The following TNR variants were observed in gnomAD, a reference collection of about 807,000 sequenced individuals.
TNR encodes the protein tenascin R.
A neutral mutation model predicts 150.4 loss-of-function variants in TNR; 45 were observed. The ratio of observed to expected loss-of-function variants is 0.30; its 90% confidence interval spans 0.24 to 0.38. TNR has a LOEUF of 0.38. Among genes scored for constraint, TNR ranks in the 10% least tolerant of loss-of-function variants. The pLI is 1.00. For missense variants in TNR, 1,544 were observed against 1,759.1 expected, an observed-to-expected ratio of 0.88 and a Z score of 2.19; for synonymous variants, 687 against 678.4, an observed-to-expected ratio of 1.01 and a Z score of -0.20.
intron 2 of TNR, among the ~76,000 whole-genome samples, chr1:175,502,858 A>G (rs1356349393): frequency 6.6e-6 from 1 of 152,182 alleles, no homozygotes; most frequent in Non-Finnish European, 1.5e-5. Context: ...AGAAGGTATG[A>G]AAGACATGAT....
intron 2 of TNR, among the ~76,000 whole-genome samples, chr1:175,438,890 G>C (rs562716156): frequency 2.0e-5 from 3 of 152,174 alleles, no homozygotes; most frequent in Admixed American, 6.5e-5. Context: ...CAAACAAATG[G>C]AAGAACATTC....
At chr1:175,499,722 C>G (rs1251502072) in intron 2 of TNR, among the ~76,000 whole-genome samples, 1 of 152,200 alleles carries the variant, frequency 6.6e-6, no homozygotes, top group Non-Finnish European at 1.5e-5. Flanking sequence ...CTTCAGTGTC[C>G]TGGCTCATGT....
At chr1:175,366,865 G>A (rs1288392139) in intron 10 of TNR, among the ~76,000 whole-genome samples, 1 of 152,212 alleles carries the variant, frequency 6.6e-6, no homozygotes, top group Admixed American at 6.5e-5. Flanking sequence ...GGGCGAGGAT[G>A]CCCCATTCTG....
chr1:175,564,848 T>G (rs559209915), intron 1 of TNR, among the ~76,000 whole-genome samples: 2 of 152,352 alleles, frequency 1.3e-5, no homozygotes, highest in East Asian at 3.9e-4. Flanking sequence ...CTTCTTGTTC[T>G]GCCCTTGGCT....
intron 21 of TNR, among the ~76,000 whole-genome samples, chr1:175,326,213 C>G (rs1449352032): frequency 6.6e-6 from 1 of 152,086 alleles, no homozygotes; most frequent in Non-Finnish European, 1.5e-5. Context: ...AGGGATCAGA[C>G]TGTAATTAAA....
intron 1 of TNR, among the ~76,000 whole-genome samples, chr1:175,676,304 C>T (rs900208766): frequency 1.3e-5 from 2 of 152,172 alleles, no homozygotes; most frequent in Admixed American, 1.3e-4. Context: ...AAAAGCCAAA[C>T]CCCTTGAACA....
chr1:175,416,990 A>G (rs1654493462), intron 2 of TNR, among the ~76,000 whole-genome samples: 2 of 149,544 alleles, frequency 1.3e-5, no homozygotes, highest in South Asian at 2.1e-4. Flanking sequence ...CCTGGGCTAC[A>G]GAGCGAGACT....
chr1:175,540,808 C>A (rs1308578599), intron 1 of TNR, among the ~76,000 whole-genome samples: 2 of 152,022 alleles, frequency 1.3e-5, no homozygotes, highest in Non-Finnish European at 2.9e-5. Flanking sequence ...CACTCTCAGC[C>A]CGCTTCTAAT....
chr1:175,607,878 C>T (rs555562642), intron 1 of TNR, among the ~76,000 whole-genome samples: 4 of 152,306 alleles, frequency 2.6e-5, no homozygotes, highest in African/African-American at 7.2e-5. Context: ...TGAACATTAA[C>T]GATGTAGTAT....
chr1:175,711,323 A>T (rs2101936132), intron 1 of TNR, among the ~76,000 whole-genome samples: 1 of 152,106 alleles, frequency 6.6e-6, no homozygotes, highest in South Asian at 2.1e-4. Flanking sequence ...CCTGGGGGAA[A>T]GAGTGTTTCT....
intron 2 of TNR, among the ~76,000 whole-genome samples, chr1:175,460,543 C>T (rs1656767192): frequency 6.6e-6 from 1 of 152,126 alleles, no homozygotes; most frequent in African/African-American, 2.4e-5. Flanking sequence ...TTCTGTTCTG[C>T]CACAAAAACA....
chr1:175,417,075 G>T (rs10912976), intron 2 of TNR, among the ~76,000 whole-genome samples: 8,022 of 138,208 alleles, frequency 0.058, 367 homozygotes, highest in East Asian at 0.11. Context: ...AAGAAAGAAA[G>T]AAATCTAAGA....
At chr1:175,649,274 C>T (rs1021370981) in intron 1 of TNR, among the ~76,000 whole-genome samples, 2 of 152,224 alleles carry the variant, frequency 1.3e-5, no homozygotes, top group Admixed American at 6.5e-5. Flanking sequence ...CCCAAGCTGT[C>T]TTTCTCCACC....
intron 1 of TNR, among the ~76,000 whole-genome samples, chr1:175,665,041 T>C (rs1665494351): frequency 6.6e-6 from 1 of 152,226 alleles, no homozygotes; most frequent in East Asian, 1.9e-4. Context: ...GAGTGAATGA[T>C]ACAGCCAACG....
intron 1 of TNR, among the ~76,000 whole-genome samples, chr1:175,720,970 C>T (rs57911089): frequency 0.031 from 4,665 of 152,272 alleles, 215 homozygotes; most frequent in African/African-American, 0.1. Context: ...ATCATCTTGC[C>T]CAACCCTCTC....
chr1:175,710,610 C>T (rs776511689), intron 1 of TNR, among the ~76,000 whole-genome samples: 1 of 152,102 alleles, frequency 6.6e-6, no homozygotes, highest in African/African-American at 2.4e-5. Context: ...CCACCAGTTA[C>T]CCAGCCCTAT....
At chr1:175,545,720 G>A (rs1219684619) in intron 1 of TNR, among the ~76,000 whole-genome samples, 1 of 152,160 alleles carries the variant, frequency 6.6e-6, no homozygotes, top group African/African-American at 2.4e-5. Context: ...TCAAACAGAT[G>A]AATAAAAGAA....
chr1:175,343,078 CT>C (rs1284390458), intron 18 of TNR, among the ~76,000 whole-genome samples: 1 of 152,206 alleles, frequency 6.6e-6, no homozygotes, highest in African/African-American at 2.4e-5. Flanking sequence ...ATTCTCCACA[CT>C]TTAGCCAGAG....
chr1:175,709,608 C>G (rs1666942949), intron 1 of TNR, among the ~76,000 whole-genome samples: 2 of 152,186 alleles, frequency 1.3e-5, no homozygotes, highest in Non-Finnish European at 2.9e-5. Context: ...ATTAGTTAGC[C>G]AGAATGCTCA....
Sources: gnomAD v4.1 joint callset for allele counts (sites outside exome capture counted in the v4.1 genomes callset) on GRCh38, gnomAD v4.1.1 for gene constraint, MANE v1.5 for transcripts, NCBI Gene and HGNC (gene_info 2026-07-23, HGNC 2026-07-21) for gene names.